NFU1: variants seen among roughly 807,000 people sequenced by gnomAD.
NFU1 encodes the protein NFU1 iron-sulfur cluster scaffold, also known as NFU1 iron-sulfur cluster scaffold homolog, mitochondrial.
In NFU1, 30 loss-of-function variants were observed where a neutral mutation model predicts 32.2. The ratio of observed to expected loss-of-function variants is 0.93; its 90% CI spans 0.70 to 1.26. The LOEUF (loss-of-function observed/expected upper bound fraction) is 1.26, where lower values mean the gene tolerates loss of function less well. Among genes scored for constraint, NFU1 ranks in the 50% most tolerant of loss-of-function variants. The probability of loss-of-function intolerance (pLI) is 0.00; values close to 1 mark genes in which losing one functional copy is unlikely to be tolerated. For missense variants in NFU1, 306 were observed against 306.6 expected (o/e 1.00, Z 0.02); for synonymous variants, 112 against 104.6 (o/e 1.07, Z -0.43).
At chr2:69,410,158 G>A (rs1308716724) in intron 5 of NFU1, among the ~76,000 whole-genome samples, 1 of 152,154 alleles carries the variant, frequency 6.6e-6, no homozygotes, top group Non-Finnish European at 1.5e-5. Flanking sequence ...ACAGGCCAAG[G>A]TGGGCGGATC....
chr2:69,425,234 T>G (rs1407486112), intron 2 of NFU1, among the ~76,000 whole-genome samples: 2 of 152,118 alleles, frequency 1.3e-5, no homozygotes, highest in Non-Finnish European at 2.9e-5. Flanking sequence ...TTGCTCAAGC[T>G]GGTCTCAAAC....
intron 6 of NFU1, 109 bp downstream of exon 6, chr2:69,405,913 G>A (rs1156600109): frequency 6.1e-5 from 46 of 752,520 alleles, no homozygotes; most frequent in Middle Eastern, 2.4e-4. Flanking sequence ...ACATTAACTT[G>A]CACTTATTTT....
At chr2:69,428,803 T>A (rs1673547071) in intron 2 of NFU1, among the ~76,000 whole-genome samples, 1 of 152,236 alleles carries the variant, frequency 6.6e-6, no homozygotes, top group Non-Finnish European at 1.5e-5. Flanking sequence ...TGAAAGAGTT[T>A]AAATTTGGCA....
chr2:69,396,370 C>T (rs1172535448), intron 7 of NFU1, 80 bp from the exon 8 acceptor site: 2 of 985,226 alleles, frequency 2.0e-6, no homozygotes, highest in Non-Finnish European at 3.2e-6. Flanking sequence ...AATATTACTT[C>T]TTTACCTGAT....
chr2:69,438,768 C>T (rs1196709203), upstream of NFU1, among the ~76,000 whole-genome samples: 2 of 152,118 alleles, frequency 1.3e-5, no homozygotes, highest in Non-Finnish European at 2.9e-5. Flanking sequence ...GCAGCTCGCC[C>T]GGGCCCGCAC....
intron 6 of NFU1, among the ~76,000 whole-genome samples, chr2:69,403,603 C>T (rs1013232156): frequency 2.6e-5 from 4 of 152,092 alleles, no homozygotes; most frequent in Non-Finnish European, 5.9e-5. Flanking sequence ...AGGGTGGTCT[C>T]TAACTTCTGA....
upstream of NFU1, among the ~76,000 whole-genome samples, chr2:69,438,008 A>G (rs1673917262): frequency 6.6e-6 from 1 of 152,178 alleles, no homozygotes; most frequent in South Asian, 2.1e-4. Flanking sequence ...TCCGATTAAC[A>G]TGAGACTTGA....
chr2:69,399,616 A>C (rs1210295790), intron 7 of NFU1, among the ~76,000 whole-genome samples: 1 of 135,020 alleles, frequency 7.4e-6, no homozygotes, highest in Non-Finnish European at 1.6e-5. Context: ...CCGTCTCTAC[A>C]AAAAAAAAAA....
chr2:69,423,480 C>T, intron 3 of NFU1, 102 bp downstream of exon 3: 3 of 1,016,436 alleles, frequency 3.0e-6, no homozygotes, highest in South Asian at 3.1e-5. Flanking sequence ...AAAAAAAATG[C>T]AGTGCACATA....
At chr2:69,432,477 G>C (rs1673671489) in intron 1 of NFU1, among the ~76,000 whole-genome samples, 1 of 152,244 alleles carries the variant, frequency 6.6e-6, no homozygotes, top group Non-Finnish European at 1.5e-5. Context: ...AGGAGGCTGA[G>C]GCAGGAGAAT....
rs555226518 is a variant in NFU1 at position 69,414,067 on chromosome 2, T to C, written c.484+1118A>G. 2.6e-5 allele frequency among the ~76,000 whole-genome samples: 4 copies of C among 151,922 alleles called. No individual in the cohort carries two copies. The South Asian group carries it at 8.3e-4, about 32-fold the overall frequency. On this transcript the variant is annotated intron_variant, in intron 5 of 7. Transcript: ENST00000410022. ...GTCTCCAAAAATAAATAAATAAAAA[T>C]AAATAAACAAATAAATAAAGAAGCT...
chr2:69,433,541 T>C (rs947065598), intron 1 of NFU1, among the ~76,000 whole-genome samples: 5 of 151,908 alleles, frequency 3.3e-5, no homozygotes, highest in African/African-American at 1.2e-4. Context: ...AGTGATGCGA[T>C]CCCAGCTTAC....
In NFU1 at chr2:69,432,574, C is replaced by CA. The variant is rs879489415; in HGVS notation, c.63-570dup. 4.6e-3 allele frequency among the ~76,000 whole-genome samples: 649 copies of CA among 140,422 alleles called. 5 individuals carry two copies. Among genetic ancestry groups the CA allele is most frequent in the African/African-American group, 0.014 (532 of 38,382 alleles). The allele number at this position is 140,422 out of a possible 152,430, so 92.1% of individuals were successfully genotyped here. ...GGGCAACAAGAGTGAAACTCTACCTCAAAAAAAAAAAGAAACAGAATTGTA... is the reference window on the plus strand; with the variant it reads ...GGGCAACAAGAGTGAAACTCTACCTCAAAAAAAAAAAAGAAACAGAATTGTA... On this transcript the variant is annotated intron_variant, in intron 1 of 7. Transcript: ENST00000410022.
intron 3 of NFU1, among the ~76,000 whole-genome samples, chr2:69,421,778 G>T (rs1301866127): frequency 1.3e-5 from 2 of 151,554 alleles, no homozygotes; most frequent in Admixed American, 6.6e-5. Flanking sequence ...TGTTAGCCAG[G>T]ATGCTCTCGA....
intron 7 of NFU1, among the ~76,000 whole-genome samples, chr2:69,399,716 T>G (rs1478048391): frequency 6.6e-6 from 1 of 152,142 alleles, no homozygotes; most frequent in Non-Finnish European, 1.5e-5. Context: ...ATTTTAAACC[T>G]TTTTCATAAT....
intron 1 of NFU1, among the ~76,000 whole-genome samples, chr2:69,432,854 A>T (rs1250761597): frequency 3.3e-5 from 5 of 152,022 alleles, no homozygotes; most frequent in African/African-American, 1.2e-4. Context: ...AATCTAAAAG[A>T]AAGTATACTA....
At chr2:69,408,620 T>C (rs1672774979) in intron 5 of NFU1, among the ~76,000 whole-genome samples, 2 of 151,544 alleles carry the variant, frequency 1.3e-5, no homozygotes, top group Non-Finnish European at 2.9e-5. Context: ...CTCCAGAGGC[T>C]GAGGCAGGAG....
At chr2:69,431,351 G>T (rs558066354) in intron 2 of NFU1, among the ~76,000 whole-genome samples, 5 of 152,202 alleles carry the variant, frequency 3.3e-5, no homozygotes, top group African/African-American at 1.2e-4. Flanking sequence ...TGTCACCCAG[G>T]CTGGAGCACA....
At chr2:69,396,394 A>T (rs961743365) in intron 7 of NFU1, 104 bp from the exon 8 acceptor site, 1 of 749,044 alleles carries the variant, frequency 1.3e-6, no homozygotes, top group Non-Finnish European at 2.3e-6. Context: ...CTCTATAATG[A>T]GGCATGACAA....
Sources: gnomAD v4.1 joint callset for allele counts (sites outside exome capture counted in the v4.1 genomes callset) on GRCh38, gnomAD v4.1.1 for gene constraint, MANE v1.5 for transcripts, NCBI Gene and HGNC (gene_info 2026-07-23, HGNC 2026-07-21) for gene names.